The following ANKRD18A variants were observed in gnomAD, a reference collection of about 807,000 sequenced individuals.
ANKRD18A encodes ankyrin repeat domain 18A, also known as ankyrin repeat domain-containing protein 18A.
A neutral mutation model predicts 110.6 loss-of-function variants in ANKRD18A; 72 were observed. That is an observed-to-expected ratio of 0.65 (90% CI 0.54 to 0.79). The LOEUF is 0.79. ANKRD18A is among the 30% of genes least tolerant of loss of function. ANKRD18A has a pLI of 0.00. For synonymous variants in ANKRD18A, 305 were observed against 410.3 expected (o/e 0.74, Z 3.10); for missense variants, 934 against 1,163.3 (o/e 0.80, Z 2.87).
At chr9:38,600,628 T>C (rs1434817149) in intron 8 of ANKRD18A, among the ~76,000 whole-genome samples, 5 of 152,342 alleles carry the variant, frequency 3.3e-5, no homozygotes, top group African/African-American at 1.2e-4. Flanking sequence ...ATTGCTTTTA[T>C]GACCCCATCT....
chr9:38,596,734 C>A (rs1428933355), intron 8 of ANKRD18A, among the ~76,000 whole-genome samples: 5 of 152,114 alleles, frequency 3.3e-5, no homozygotes, highest in Non-Finnish European at 7.4e-5. Context: ...AAATTAAAAT[C>A]TTGGAAAAAG....
intron 14 of ANKRD18A, among the ~76,000 whole-genome samples, chr9:38,576,555 T>C (rs1231688417): frequency 1.3e-5 from 2 of 152,198 alleles, no homozygotes; most frequent in Non-Finnish European, 1.5e-5. Context: ...ACACAAATAG[T>C]CTTTCTTGAG....
chr9:38,589,142 A>T (rs180923624), intron 10 of ANKRD18A, among the ~76,000 whole-genome samples: 1 of 152,204 alleles, frequency 6.6e-6, no homozygotes, highest in Non-Finnish European at 1.5e-5. Flanking sequence ...CTCTGTGAGT[A>T]TTCACCGGTA....
intron 8 of ANKRD18A, among the ~76,000 whole-genome samples, chr9:38,599,375 A>G (rs1825024963): frequency 6.6e-6 from 1 of 152,184 alleles, no homozygotes; most frequent in African/African-American, 2.4e-5. Context: ...CCCTCTTTAG[A>G]GTTACAGTGT....
intron 7 of ANKRD18A, among the ~76,000 whole-genome samples, chr9:38,601,432 G>A (rs940432797): frequency 4.6e-5 from 7 of 152,016 alleles, no homozygotes; most frequent in African/African-American, 1.7e-4. Flanking sequence ...AAGTCTCAGG[G>A]TCACCCAAAA....
rs1284764125 is a variant in ANKRD18A at position 38,577,957 on chromosome 9, C to T, written c.2439G>A (p.Met813Ile). The T allele has an allele frequency of 1.3e-6, 2 of 1,586,820 alleles. No homozygotes were observed. The highest frequency in any genetic ancestry group is 1.1e-5 in the South Asian group (1 of 88,154). ...LNLKTHMEKD[M>I]VELGKLQEYK... ...ATTCTTGTAGTTTACCAAGTTCTAC[C>T]ATATCTTTTTCCATATGTGTCTTAA... is the stretch of plus-strand genomic sequence containing the variant. The change falls in exon 13 of 16, where the codon ATG (methionine) becomes ATA (isoleucine). Residue 813 changes from methionine (M) to isoleucine (I), a missense_variant. Met to Ile is a conservative substitution (Grantham distance 10). Transcript: ENST00000399703.
At position 38,607,489 on chromosome 9, in the gene ANKRD18A, G is replaced by A. The variant is rs1183427830; in HGVS notation, c.745C>T (p.Arg249Ter). Residue 249 changes from arginine to a stop codon, truncating the protein, a stop_gained, in exon 6 of 16, where the codon CGA becomes TGA. Coordinates refer to ENST00000399703, the MANE Select transcript of ANKRD18A (RefSeq NM_147195.4). LOFTEE classifies it high-confidence loss of function. The stretch of plus-strand genomic sequence containing the variant: ...TTTTTATGTTCCAAAATTTGTTGTC[G>A]GATGCTATGCATAATAAACGTAATA... ...YALCSDLRSI[R>*]QQILEHKNKM... The A allele has an allele frequency of 1.6e-5, 23 of 1,483,116 alleles. No homozygotes were observed. Among genetic ancestry groups the A allele is most frequent in the Admixed American group, 2.4e-5 (1 of 40,888 alleles). The allele number at this position is 1,483,116 out of a possible 1,614,324, so 91.9% of individuals were successfully genotyped here.
chr9:38,602,253 G>T (rs373375392), intron 7 of ANKRD18A, among the ~76,000 whole-genome samples: 4,845 of 150,394 alleles, frequency 0.032, 121 homozygotes, highest in African/African-American at 0.068. Flanking sequence ...CTGCTAAGTG[G>T]TAGGCACAGG....
At chr9:38,588,132 G>A (rs1173196936) in intron 11 of ANKRD18A, among the ~76,000 whole-genome samples, 1 of 151,888 alleles carries the variant, frequency 6.6e-6, no homozygotes, top group Non-Finnish European at 1.5e-5. Flanking sequence ...TAATGTTTTG[G>A]CATTCAAAAA....
chr9:38,600,705 A>G (rs1273270548), intron 8 of ANKRD18A, among the ~76,000 whole-genome samples: 1 of 152,166 alleles, frequency 6.6e-6, no homozygotes, highest in Non-Finnish European at 1.5e-5. Context: ...TAACCTCAGC[A>G]CTGGTGACCG....
At chr9:38,568,057 C>T (rs144722129), downstream of ANKRD18A, 5,198 of 152,508 alleles carry the variant, frequency 0.034, 123 homozygotes, top group African/African-American at 0.064. Flanking sequence ...GCTGTCTCTT[C>T]AGTGCTGGTG....
intron 14 of ANKRD18A, 97 bp from the exon 15 acceptor site, chr9:38,575,795 C>G: frequency 8.3e-7 from 1 of 1,199,016 alleles, no homozygotes; most frequent in Non-Finnish European, 1.1e-6. Flanking sequence ...GAGAGTAAAC[C>G]AAAATACCCA....
In ANKRD18A at chr9:38,575,560, G is replaced by A; in HGVS notation, c.2880C>T (p.Asn960=). The change falls in exon 15 of 16, where the codon AAC becomes AAT. Residue 960 remains asparagine, a synonymous_variant. Transcript: ENST00000399703. The part of the protein sequence containing the change: ...CVENLNSIEL[N]RKYIPKTAIR... ...TGGCCGTTTTGGGAATATATTTTCT[G>A]TTGAGTTCTATACTATTAAGATTTT... is the stretch of plus-strand genomic sequence containing the variant. The A allele has an allele frequency of 6.4e-7, 1 of 1,551,490 alleles. No homozygotes were observed.
chr9:38,579,256 A>G (rs996335577), intron 12 of ANKRD18A, among the ~76,000 whole-genome samples: 1 of 152,224 alleles, frequency 6.6e-6, no homozygotes, highest in African/African-American at 2.4e-5. Flanking sequence ...AACATAGGGA[A>G]AATGCTTCAG....
intron 5 of ANKRD18A, 79 bp downstream of exon 5, chr9:38,610,194 C>T (rs968826648): frequency 5.1e-5 from 73 of 1,420,638 alleles, no homozygotes; most frequent in Non-Finnish European, 6.6e-5. Flanking sequence ...GAACTGTCAC[C>T]TAATGTATAA....
downstream of ANKRD18A, chr9:38,567,954 G>A (rs1181838270): frequency 6.6e-6 from 1 of 152,270 alleles, no homozygotes; most frequent in Non-Finnish European, 1.5e-5. Flanking sequence ...ACTCTTAAAG[G>A]TTGAGGGCCA....
chr9:38,581,672 C>T (rs1282073310), intron 12 of ANKRD18A, among the ~76,000 whole-genome samples: 1 of 152,178 alleles, frequency 6.6e-6, no homozygotes, highest in East Asian at 1.9e-4. Context: ...TTCTCCTTTA[C>T]CTTACTTCAC....
At chr9:38,579,886 T>C (rs1587489371) in intron 12 of ANKRD18A, among the ~76,000 whole-genome samples, 2 of 152,358 alleles carry the variant, frequency 1.3e-5, no homozygotes, top group South Asian at 4.1e-4. Flanking sequence ...CATATGTTTA[T>C]TGTAGCTCTA....
chr9:38,619,078 G>A (rs1387278073), intron 1 of ANKRD18A, among the ~76,000 whole-genome samples: 10 of 151,640 alleles, frequency 6.6e-5, no homozygotes, highest in Admixed American at 2.6e-4. Flanking sequence ...CTGATACACA[G>A]GGGATTTTAA....
Sources: allele counts gnomAD v4.1 joint callset (sites outside exome capture counted in the v4.1 genomes callset), GRCh38; gene constraint gnomAD v4.1.1; transcripts MANE v1.5; gene names NCBI Gene and HGNC (gene_info 2026-07-23, HGNC 2026-07-21).